Variants in PALM2AKAP2 observed in about 807,000 individuals in gnomAD.
PALM2AKAP2 encodes PALM2 and AKAP2 fusion, also known as PALM2-AKAP2 fusion protein.
PALM2AKAP2 carries 37 observed loss-of-function variants against 71.5 expected under a neutral mutation model. The ratio of observed to expected loss-of-function variants is 0.52; its 90% CI spans 0.40 to 0.68. The LOEUF (loss-of-function observed/expected upper bound fraction) is 0.68, where lower values mean the gene tolerates loss of function less well. Ranked by LOEUF, PALM2AKAP2 falls within the 30% of genes least tolerant of loss-of-function variation. The pLI is 0.00. For missense variants in PALM2AKAP2, 1,224 were observed against 1,191.8 expected, an observed-to-expected ratio of 1.03 and a Z score of -0.40; for synonymous variants, 468 against 478.8, an observed-to-expected ratio of 0.98 and a Z score of 0.29.
chr9:109,687,393 C>T (rs2118535124), intron 1 of PALM2AKAP2, among the ~76,000 whole-genome samples: 1 of 152,302 alleles, frequency 6.6e-6, no homozygotes, highest in African/African-American at 2.4e-5. Context: ...CATTCCTTAT[C>T]TTAGTTAGAT....
intron 1 of PALM2AKAP2, among the ~76,000 whole-genome samples, chr9:109,665,903 G>A (rs1186543897): frequency 1.3e-5 from 2 of 152,206 alleles, no homozygotes; most frequent in Non-Finnish European, 2.9e-5. Context: ...AATGGCGGAT[G>A]CCCCTCCCCC....
At chr9:110,032,021 A>T (rs538139520) in intron 7 of PALM2AKAP2, among the ~76,000 whole-genome samples, 1 of 151,392 alleles carries the variant, frequency 6.6e-6, no homozygotes, top group Non-Finnish European at 1.5e-5. Flanking sequence ...ATAAAACCGA[A>T]CAGCCTTCTC....
At chr9:109,972,196 T>A (rs1199613728) in intron 6 of PALM2AKAP2, among the ~76,000 whole-genome samples, 1 of 151,988 alleles carries the variant, frequency 6.6e-6, no homozygotes, top group African/African-American at 2.4e-5. Context: ...CAGGTGGGAG[T>A]TGTTGGTGGG....
intron 6 of PALM2AKAP2, among the ~76,000 whole-genome samples, chr9:109,964,169 T>C (rs1432682341): frequency 6.6e-6 from 1 of 152,284 alleles, no homozygotes; most frequent in East Asian, 1.9e-4. Flanking sequence ...ATTTGTGCAC[T>C]TGCTCCAAGC....
intron 1 of PALM2AKAP2, among the ~76,000 whole-genome samples, chr9:109,723,800 C>T (rs1486053969): frequency 6.6e-6 from 1 of 152,128 alleles, no homozygotes; most frequent in Non-Finnish European, 1.5e-5. Flanking sequence ...TGTGTAGGCT[C>T]CTTAGCAGCA....
intron 1 of PALM2AKAP2, among the ~76,000 whole-genome samples, chr9:110,096,928 T>TTTTATTTATTTA (rs149932603): frequency 7.4e-4 from 110 of 148,416 alleles, no homozygotes; most frequent in African/African-American, 2.1e-3. Flanking sequence ...AGAATTTTCT[T>TTTTATTTATTTA]TTTATTTATT....
intron 1 of PALM2AKAP2, among the ~76,000 whole-genome samples, chr9:109,830,255 C>G (rs911051386): frequency 6.6e-6 from 1 of 152,174 alleles, no homozygotes; most frequent in African/African-American, 2.4e-5. Context: ...ACGATTTTTA[C>G]TTTATGCATT....
At chr9:109,650,509 T>C (rs1827210980) in intron 1 of PALM2AKAP2, among the ~76,000 whole-genome samples, 1 of 152,206 alleles carries the variant, frequency 6.6e-6, no homozygotes, top group Non-Finnish European at 1.5e-5. Flanking sequence ...CTTGAATTCC[T>C]GGGCTCAAGA....
At chr9:109,815,893 G>C (rs3983508) in intron 1 of PALM2AKAP2, among the ~76,000 whole-genome samples, 64,596 of 152,012 alleles carry the variant, frequency 0.42, 16,301 homozygotes, top group African/African-American at 0.7. Context: ...AGAAAATAGT[G>C]AAAGAGGTGA....
chr9:109,971,283 CTTTTTTT>C (rs11392589), intron 6 of PALM2AKAP2, among the ~76,000 whole-genome samples: 1 of 45,678 alleles, frequency 2.2e-5, no homozygotes, highest in African/African-American at 1.2e-4. Flanking sequence ...CTCTTAGTCC[CTTTTTTT>C]TTTTTTTTTT....
At chr9:109,769,209 C>A (rs1829214814) in intron 1 of PALM2AKAP2, among the ~76,000 whole-genome samples, 1 of 152,092 alleles carries the variant, frequency 6.6e-6, no homozygotes, top group African/African-American at 2.4e-5. Flanking sequence ...TGTACCTATG[C>A]ACATTATTTT....
At chr9:109,947,996 G>A (rs1245901501) in intron 6 of PALM2AKAP2, among the ~76,000 whole-genome samples, 1 of 152,164 alleles carries the variant, frequency 6.6e-6, no homozygotes, top group Admixed American at 6.5e-5. Context: ...AACACAGCAA[G>A]AGCACACAGT....
intron 7 of PALM2AKAP2, among the ~76,000 whole-genome samples, chr9:110,039,248 C>T (rs1833472137): frequency 6.6e-6 from 1 of 152,018 alleles, no homozygotes; most frequent in African/African-American, 2.4e-5. Context: ...GACCCTCTCT[C>T]AATAAATAAA....
At chr9:109,717,622 AG>A (rs1232586635) in intron 1 of PALM2AKAP2, among the ~76,000 whole-genome samples, 1 of 152,240 alleles carries the variant, frequency 6.6e-6, no homozygotes, top group African/African-American at 2.4e-5. Context: ...TTTGAAAAGC[AG>A]AAACAATTAT....
chr9:109,845,215 C>T (rs1828823118), intron 1 of PALM2AKAP2, among the ~76,000 whole-genome samples: 1 of 152,168 alleles, frequency 6.6e-6, no homozygotes, highest in Admixed American at 6.5e-5. Context: ...CAGACTTTTG[C>T]TTTGTTTCTC....
intron 1 of PALM2AKAP2, among the ~76,000 whole-genome samples, chr9:110,100,883 A>G (rs1216334695): frequency 1.3e-5 from 2 of 152,190 alleles, no homozygotes; most frequent in African/African-American, 4.8e-5. Context: ...CTGTGGATTC[A>G]GCAAGAGTCT....
chr9:110,085,439 T>C (rs1471412210), intron 1 of PALM2AKAP2, among the ~76,000 whole-genome samples: 1 of 150,342 alleles, frequency 6.7e-6, no homozygotes, highest in African/African-American at 2.4e-5. Flanking sequence ...CCCATGGCTG[T>C]GGGACACAAT....
intron 1 of PALM2AKAP2, among the ~76,000 whole-genome samples, chr9:109,852,393 GTATTCCATGGTGTATATGTACCA>G: frequency 6.6e-6 from 1 of 152,294 alleles, no homozygotes; most frequent in Non-Finnish European, 1.5e-5. Context: ...TGGCTGTGTA[GTATTCCATGGTGTATATGTACCA>G]CATTTTCTTT....
At chr9:109,907,670 A>C (rs1830479324) in intron 3 of PALM2AKAP2, among the ~76,000 whole-genome samples, 1 of 152,168 alleles carries the variant, frequency 6.6e-6, no homozygotes, top group African/African-American at 2.4e-5. Context: ...GAGCTTCCTG[A>C]TTGGCTTGAT....
Sources: gnomAD v4.1 joint callset for allele counts (sites outside exome capture counted in the v4.1 genomes callset) on GRCh38, gnomAD v4.1.1 for gene constraint, MANE v1.5 for transcripts, NCBI Gene and HGNC (gene_info 2026-07-23, HGNC 2026-07-21) for gene names.